The following SYNJ2 variants were observed in gnomAD, a reference collection of about 807,000 sequenced individuals.
SYNJ2 encodes synaptojanin 2.
In SYNJ2, 116 loss-of-function variants were observed where a neutral mutation model predicts 141.3. The observed-to-expected ratio is 0.82, with a 90% CI of 0.71 to 0.96. The LOEUF (loss-of-function observed/expected upper bound fraction) is 0.96, where lower values mean the gene tolerates loss of function less well. Ranked by LOEUF, SYNJ2 falls within the 40% of genes least tolerant of loss-of-function variation. The probability of loss-of-function intolerance (pLI) is 0.00; values close to 1 mark genes in which losing one functional copy is unlikely to be tolerated. For missense variants in SYNJ2, 1,873 were observed against 1,934.8 expected, an observed-to-expected ratio of 0.97 and a Z score of 0.60; for synonymous variants, 745 against 777.7, an observed-to-expected ratio of 0.96 and a Z score of 0.70.
chr6:158,012,361 G>A (rs1778298776), intron 1 of SYNJ2, among the ~76,000 whole-genome samples: 1 of 152,184 alleles, frequency 6.6e-6, no homozygotes, highest in African/African-American at 2.4e-5. Flanking sequence ...TGAGTCCATC[G>A]CACTCACAGG....
At chr6:158,031,963 C>T (rs1397364088) in intron 3 of SYNJ2, among the ~76,000 whole-genome samples, 1 of 152,238 alleles carries the variant, frequency 6.6e-6, no homozygotes, top group Non-Finnish European at 1.5e-5. Flanking sequence ...CTTGATGCCA[C>T]ATGCAGATTT....
In SYNJ2 at chr6:158,083,536, T is replaced by A. The variant is rs953031935; in HGVS notation, c.2973T>A (p.Thr991=). Residue 991 remains threonine, a synonymous_variant, in exon 21 of 27, where the codon ACT becomes ACA. Transcript: ENST00000355585. The part of the protein sequence containing the change: ...KRDSMAPVSP[T]ANSCLLEENF... ...ACAGCATGGCCCCCGTGTCTCCCAC[T>A]GCCAACTCCTGTTTGCTGGAGGAAA... 1.2e-5 allele frequency: 19 copies of A among 1,614,084 alleles called. No homozygotes were observed. Among genetic ancestry groups the A allele is most frequent in the Non-Finnish European group, 1.4e-5 (17 of 1,180,060 alleles).
At chr6:158,006,735 C>T (rs1260509008) in intron 1 of SYNJ2, among the ~76,000 whole-genome samples, 3 of 152,176 alleles carry the variant, frequency 2.0e-5, no homozygotes, top group Non-Finnish European at 4.4e-5. Context: ...TGCAGTGGTG[C>T]GATCTCGGCT....
At chr6:158,033,398 C>A in intron 3 of SYNJ2, 57 bp from the exon 4 acceptor site, 1 of 1,576,820 alleles carries the variant, frequency 6.3e-7, no homozygotes. Context: ...GCTGTCCAGG[C>A]AGCATGTATT....
chr6:157,986,020 A>G (rs9459037), intron 1 of SYNJ2, among the ~76,000 whole-genome samples: 33,215 of 152,192 alleles, frequency 0.22, 3,960 homozygotes, highest in Middle Eastern at 0.3. Context: ...AGCAGGACTC[A>G]GTCTGAACTG....
At chr6:158,095,073 T>C (rs1233635019) in intron 26 of SYNJ2, among the ~76,000 whole-genome samples, 1 of 150,816 alleles carries the variant, frequency 6.6e-6, no homozygotes, top group African/African-American at 2.4e-5. Flanking sequence ...CGCTTGAACC[T>C]GGGAGGCGGA....
Position 158,089,963 on chromosome 6 carries a change from G to C in SYNJ2, c.3565+16G>C. The C allele has an allele frequency of 1.3e-6, 2 of 1,586,448 alleles. No homozygotes were observed. The highest frequency in any genetic ancestry group is 2.2e-5 in the East Asian group (1 of 44,680). ...GCCAGAGGAGGTAGGTGCTTTCCTGGGGGCAGGGGAAAAACCAATTCTCCT... is the reference window on the plus strand; with the variant it reads ...GCCAGAGGAGGTAGGTGCTTTCCTGCGGGCAGGGGAAAAACCAATTCTCCT... On this transcript the variant is annotated intron_variant, in intron 25 of 26. Transcript: ENST00000355585.
At chr6:158,082,345 G>T (rs1219843536) in intron 20 of SYNJ2, among the ~76,000 whole-genome samples, 1 of 152,124 alleles carries the variant, frequency 6.6e-6, no homozygotes, top group Non-Finnish European at 1.5e-5. Context: ...AAATTAGCCA[G>T]GCATAGTGGC....
rs750230285 is a variant in SYNJ2 at position 158,089,923 on chromosome 6, C to T, written c.3541C>T (p.Arg1181Trp). Residue 1181 changes from arginine (R) to tryptophan (W), a missense_variant, in exon 25 of 27, where the codon CGG becomes TGG. By Grantham distance (101) the Arg-to-Trp change is moderately radical. Transcript: ENST00000355585. ...TNAQEAEAAI[R>W]CLLEARGGAS... ...TGCCCAGGAGGCAGAAGCAGCAATC[C>T]GGTGTCTCCTGGAAGCCAGAGGAGG... The T allele has an allele frequency of 6.2e-6, 10 of 1,613,902 alleles. No individual in the cohort carries two copies. Among genetic ancestry groups the T allele is most frequent in the South Asian group, 2.2e-5 (2 of 91,072 alleles).
At chr6:158,094,386 C>A (rs975484047) in intron 26 of SYNJ2, among the ~76,000 whole-genome samples, 3 of 111,676 alleles carry the variant, frequency 2.7e-5, no homozygotes, top group Admixed American at 2.3e-4. Flanking sequence ...CATTAGCCTA[C>A]GGCTGGGCAA....
intron 2 of SYNJ2, among the ~76,000 whole-genome samples, chr6:158,020,644 A>C (rs1324571965): frequency 6.7e-6 from 1 of 150,178 alleles, no homozygotes; most frequent in Non-Finnish European, 1.5e-5. Flanking sequence ...GGCTAACTCC[A>C]CTGTTGCCTG....
chr6:157,997,392 A>C (rs768305473), intron 1 of SYNJ2, among the ~76,000 whole-genome samples: 1 of 152,318 alleles, frequency 6.6e-6, no homozygotes, highest in Non-Finnish European at 1.5e-5. Context: ...TTATAAGAAG[A>C]AAAGGGACAC....
chr6:158,081,360 G>A, intron 19 of SYNJ2, 33 bp downstream of exon 19: 2 of 1,613,632 alleles, frequency 1.2e-6, no homozygotes, highest in Non-Finnish European at 1.7e-6. Flanking sequence ...TGGGTTCCAG[G>A]GGATGTCGAT....
Position 158,097,230 on chromosome 6 carries a change from T to C in SYNJ2, c.*866T>C, listed in dbSNP as rs1783840779. On this transcript the variant is annotated 3_prime_UTR_variant, in exon 27 of 27. Transcript: ENST00000355585. ...CGAAAACTCTTGCTGATACGCGATA[T>C]TGATTCTCATTGTTAGAATATGGAG... 2 of 152,240 alleles carry C rather than the reference T, an allele frequency of 1.3e-5. No individual in the cohort carries two copies. Among genetic ancestry groups the C allele is most frequent in the Admixed American group, 6.5e-5 (1 of 15,280 alleles). The allele number at this position is 152,240 out of a possible 1,614,324, so 9.4% of individuals were successfully genotyped here.
At chr6:157,990,497 G>C (rs913587080) in intron 1 of SYNJ2, among the ~76,000 whole-genome samples, 6 of 152,124 alleles carry the variant, frequency 3.9e-5, no homozygotes, top group Admixed American at 2.0e-4. Context: ...AGGGGCCTTT[G>C]AAGTAGGATG....
Position 158,074,673 on chromosome 6 carries a change from A to C in SYNJ2, c.2227A>C (p.Lys743Gln). 1 of 1,614,134 alleles carries C rather than the reference A, an allele frequency of 6.2e-7. No homozygotes were observed. The highest frequency in any genetic ancestry group is 8.5e-7 in the Non-Finnish European group (1 of 1,180,022). ...LTYEEVFYFV[K>Q]RQDWKKLLEF... is the part of the protein sequence containing the mutation. ...TTATGAAGAAGTCTTCTATTTTGTT[A>C]AACGCCAAGACTGGAAGAAACTTCT... The change falls in exon 16 of 27, where the codon AAA becomes CAA. Residue 743 changes from lysine (K) to glutamine (Q), a missense_variant. Lys to Gln is a moderately conservative substitution (Grantham distance 53). Transcript: ENST00000355585.
intron 1 of SYNJ2, among the ~76,000 whole-genome samples, chr6:158,015,138 A>G (rs1256111675): frequency 1.3e-5 from 2 of 152,182 alleles, no homozygotes; most frequent in African/African-American, 4.8e-5. Flanking sequence ...ATCTTTAGAG[A>G]CAGCAGGAAG....
At chr6:158,046,975 C>T (rs181820883) in intron 5 of SYNJ2, among the ~76,000 whole-genome samples, 11 of 152,076 alleles carry the variant, frequency 7.2e-5, no homozygotes, top group African/African-American at 1.2e-4. Context: ...CTGAACCAAA[C>T]GGAGGAGGAT....
intron 8 of SYNJ2, among the ~76,000 whole-genome samples, chr6:158,062,853 G>GC (rs1412556441): frequency 1.3e-5 from 2 of 152,006 alleles, no homozygotes; most frequent in East Asian, 1.9e-4. Context: ...TTTGTTAGGG[G>GC]CCCCCCTTTG....
Sources: allele counts gnomAD v4.1 joint callset (sites outside exome capture counted in the v4.1 genomes callset), GRCh38; gene constraint gnomAD v4.1.1; transcripts MANE v1.5; gene names NCBI Gene and HGNC (gene_info 2026-07-23, HGNC 2026-07-21).